PKN2: variants seen among roughly 807,000 people sequenced by gnomAD.
PKN2 encodes serine/threonine-protein kinase N2.
A neutral mutation model predicts 119.1 loss-of-function variants in PKN2; 38 were observed. The observed-to-expected ratio is 0.32, with a 90% confidence interval of 0.25 to 0.42. PKN2 has a LOEUF of 0.42. PKN2 is among the 10% of genes least tolerant of loss of function. PKN2 has a pLI of 1.00. For synonymous variants in PKN2, 390 were observed against 384.9 expected (o/e 1.01, Z -0.15); for missense variants, 850 against 1,165.1 (o/e 0.73, Z 3.94).
chr1:88,713,841 G>A (rs1159052360), intron 1 of PKN2, among the ~76,000 whole-genome samples: 2 of 152,146 alleles, frequency 1.3e-5, no homozygotes, highest in Non-Finnish European at 2.9e-5. Flanking sequence ...TTTTAGTCAT[G>A]AAGTCCTTGC....
At chr1:88,806,847 G>T (rs2100879119) in intron 12 of PKN2, among the ~76,000 whole-genome samples, 1 of 152,038 alleles carries the variant, frequency 6.6e-6, no homozygotes, top group South Asian at 2.1e-4. Context: ...AGCCTCCCTA[G>T]TAGCTGGGAT....
At chr1:88,818,696 GA>G (rs1408564672) in intron 16 of PKN2, among the ~76,000 whole-genome samples, 2 of 151,014 alleles carry the variant, frequency 1.3e-5, no homozygotes, top group African/African-American at 4.9e-5. Context: ...ATTTCACATG[GA>G]ACCAAAAGAG....
At chr1:88,801,898 G>A (rs1024097432) in intron 8 of PKN2, among the ~76,000 whole-genome samples, 1 of 152,204 alleles carries the variant, frequency 6.6e-6, no homozygotes, top group African/African-American at 2.4e-5. Context: ...GGACCTCACA[G>A]TCTTAAACTG....
At chr1:88,721,170 C>T (rs767312682) in intron 1 of PKN2, among the ~76,000 whole-genome samples, 5 of 151,900 alleles carry the variant, frequency 3.3e-5, no homozygotes, top group African/African-American at 4.8e-5. Context: ...AAATGGTAGA[C>T]CTACTTTTAG....
chr1:88,833,603 AATACTTCTTC>A lies in PKN2; in HGVS notation c.*157_*166del, dbSNP rs1415259429. The A allele has an allele frequency of 1.8e-5, 11 of 614,370 alleles. No individual in the cohort carries two copies. Among genetic ancestry groups the A allele is most frequent in the Non-Finnish European group, 2.8e-5 (10 of 351,886 alleles). The allele number at this position is 614,370 out of a possible 1,614,324, so 38.1% of individuals were successfully genotyped here. A position where few individuals can be genotyped will look rare whatever the true frequency, so the allele number is the denominator to read the frequency against. ...AAGATTTGTTTAAAAGTACCATTCTAATACTTCTTCAAAAGTGGCTCCTCATTGTACTTCA... is the reference window on the plus strand; with the variant it reads ...AAGATTTGTTTAAAAGTACCATTCTAAAAAGTGGCTCCTCATTGTACTTCA... On this transcript the variant is annotated 3_prime_UTR_variant, in exon 22 of 22. Transcript: ENST00000370521.
intron 2 of PKN2, among the ~76,000 whole-genome samples, chr1:88,751,189 CGT>C (rs533990218): frequency 6.6e-6 from 1 of 151,948 alleles, no homozygotes; most frequent in Non-Finnish European, 1.5e-5. Flanking sequence ...TACTTAGGCA[CGT>C]GTGTGTGTGT....
chr1:88,738,257 A>T (rs895050597), intron 1 of PKN2, among the ~76,000 whole-genome samples: 3 of 150,618 alleles, frequency 2.0e-5, no homozygotes, highest in Non-Finnish European at 2.9e-5. Context: ...GTGGTCAGAT[A>T]AAAAAAAGGG....
chr1:88,766,715 A>C (rs1233544052), intron 3 of PKN2, among the ~76,000 whole-genome samples: 1 of 152,194 alleles, frequency 6.6e-6, no homozygotes, highest in Non-Finnish European at 1.5e-5. Context: ...CCAATATGTA[A>C]ACCAGTCCGT....
chr1:88,787,418 G>A (rs1670626475), intron 8 of PKN2, among the ~76,000 whole-genome samples: 1 of 152,120 alleles, frequency 6.6e-6, no homozygotes, highest in South Asian at 2.1e-4. Context: ...TTAGAATCTT[G>A]CCATTATTTT....
At chr1:88,770,763 T>C (rs2100801180) in intron 4 of PKN2, among the ~76,000 whole-genome samples, 1 of 151,624 alleles carries the variant, frequency 6.6e-6, no homozygotes, top group East Asian at 1.9e-4. Flanking sequence ...TTTTTTGTAT[T>C]TTTAGTAGAG....
chr1:88,711,166 A>T (rs1330505648), intron 1 of PKN2, among the ~76,000 whole-genome samples: 1 of 152,130 alleles, frequency 6.6e-6, no homozygotes, highest in East Asian at 1.9e-4. Flanking sequence ...CAGGAGGGAG[A>T]GGATTAGGAA....
intron 1 of PKN2, among the ~76,000 whole-genome samples, chr1:88,699,912 A>G (rs1570493207): frequency 6.6e-6 from 1 of 152,042 alleles, no homozygotes; most frequent in East Asian, 1.9e-4. Flanking sequence ...CTTCCCGAGT[A>G]GCTAGGATTA....
At chr1:88,790,907 A>T (rs1670806073) in intron 8 of PKN2, among the ~76,000 whole-genome samples, 2 of 152,128 alleles carry the variant, frequency 1.3e-5, no homozygotes, top group African/African-American at 2.4e-5. Flanking sequence ...TCATATTTTT[A>T]ATTTTTAGAA....
intron 6 of PKN2, chr1:88,781,081 A>G: frequency 8.4e-7 from 1 of 1,191,888 alleles, no homozygotes; most frequent in Non-Finnish European, 1.1e-6. Context: ...CCATAAACTA[A>G]ATTTTAAGTA....
chr1:88,767,478 T>C (rs1286991776), intron 3 of PKN2, among the ~76,000 whole-genome samples: 1 of 152,186 alleles, frequency 6.6e-6, no homozygotes, highest in Non-Finnish European at 1.5e-5. Context: ...TTCATCATTG[T>C]GCGGGTATCA....
chr1:88,732,472 C>G (rs554118269), intron 1 of PKN2, among the ~76,000 whole-genome samples: 1 of 152,200 alleles, frequency 6.6e-6, no homozygotes, highest in African/African-American at 2.4e-5. Context: ...TAAGGGAAAC[C>G]TTTCTTTATT....
intron 1 of PKN2, among the ~76,000 whole-genome samples, chr1:88,693,436 G>T (rs78435607): frequency 0.027 from 4,113 of 152,280 alleles, 214 homozygotes; most frequent in Admixed American, 0.14. Flanking sequence ...TTATCATACA[G>T]TAAGTCCTCA....
chr1:88,734,787 A>G (rs552599039), intron 1 of PKN2, among the ~76,000 whole-genome samples: 5 of 152,232 alleles, frequency 3.3e-5, no homozygotes, highest in African/African-American at 1.2e-4. Flanking sequence ...TGCAGTTACC[A>G]TGAAGCTTAT....
At chr1:88,715,382 G>A (rs1449913842) in intron 1 of PKN2, among the ~76,000 whole-genome samples, 1 of 152,158 alleles carries the variant, frequency 6.6e-6, no homozygotes, top group East Asian at 1.9e-4. Context: ...ATTTGGCTGT[G>A]AATCCATCTG....
Sources: gnomAD v4.1 joint callset for allele counts (sites outside exome capture counted in the v4.1 genomes callset) on GRCh38, gnomAD v4.1.1 for gene constraint, MANE v1.5 for transcripts, NCBI Gene and HGNC (gene_info 2026-07-23, HGNC 2026-07-21) for gene names.